CDH12: variants seen among roughly 807,000 people sequenced by gnomAD.
The protein encoded by CDH12 is cadherin-12.
In CDH12, 41 loss-of-function variants were observed where a neutral mutation model predicts 74.1. That is an observed-to-expected ratio of 0.55 (90% CI 0.43 to 0.72). The LOEUF (loss-of-function observed/expected upper bound fraction) is 0.72. Among genes scored for constraint, CDH12 ranks in the 30% least tolerant of loss-of-function variants. CDH12 has a pLI of 0.00. For synonymous variants in CDH12, 399 were observed against 355.0 expected (o/e 1.12, Z -1.39); for missense variants, 945 against 977.2 (o/e 0.97, Z 0.44).
intron 6 of CDH12, among the ~76,000 whole-genome samples, chr5:21,862,763 T>C (rs977032298): frequency 3.3e-5 from 5 of 152,186 alleles, no homozygotes; most frequent in Non-Finnish European, 7.4e-5. Flanking sequence ...AAGCAGATTA[T>C]ATTGAATATA....
At chr5:22,080,279 T>C (rs1561089499) in intron 4 of CDH12, among the ~76,000 whole-genome samples, 1 of 152,198 alleles carries the variant, frequency 6.6e-6, no homozygotes, top group African/African-American at 2.4e-5. Context: ...TAAAAACATT[T>C]AATGAGTTCT....
intron 3 of CDH12, among the ~76,000 whole-genome samples, chr5:22,375,693 G>C (rs956277357): frequency 2.0e-5 from 3 of 151,944 alleles, no homozygotes; most frequent in Admixed American, 6.6e-5. Context: ...TTTGAAAAAT[G>C]GTTCGACATC....
intron 7 of CDH12, among the ~76,000 whole-genome samples, chr5:21,852,003 A>G (rs1173334817): frequency 6.6e-6 from 1 of 151,332 alleles, no homozygotes; most frequent in Non-Finnish European, 1.5e-5. Flanking sequence ...TTAGTTTTTC[A>G]TGCGTTTTAT....
chr5:22,031,855 C>T (rs768914939), intron 5 of CDH12, among the ~76,000 whole-genome samples: 12 of 152,112 alleles, frequency 7.9e-5, no homozygotes, highest in Non-Finnish European at 1.2e-4. Context: ...TCACCAATCA[C>T]AGATGACCAT....
chr5:22,535,143 CTT>C (rs767048116), intron 1 of CDH12, among the ~76,000 whole-genome samples: 1,508 of 69,144 alleles, frequency 0.022, 46 homozygotes, highest in African/African-American at 0.067. Context: ...GGCTAATTTT[CTT>C]TTTTTTTTTT....
chr5:22,536,857 CA>C (rs1434869970), intron 1 of CDH12, among the ~76,000 whole-genome samples: 4 of 152,188 alleles, frequency 2.6e-5, no homozygotes, highest in Admixed American at 2.6e-4. Flanking sequence ...CTTGACTGCA[CA>C]AAAACTTCTC....
At chr5:22,693,349 G>A (rs1742183698) in intron 1 of CDH12, among the ~76,000 whole-genome samples, 2 of 152,194 alleles carry the variant, frequency 1.3e-5, no homozygotes, top group South Asian at 4.1e-4. Context: ...CACTGCCTTG[G>A]CAGCTTGTGA....
intron 5 of CDH12, among the ~76,000 whole-genome samples, chr5:21,981,479 A>G (rs1225569275): frequency 1.3e-5 from 2 of 152,032 alleles, no homozygotes; most frequent in East Asian, 1.9e-4. Flanking sequence ...ACAAATAACC[A>G]TCACCCTAAC....
At chr5:22,719,697 G>A (rs1022959145) in intron 1 of CDH12, among the ~76,000 whole-genome samples, 2 of 152,130 alleles carry the variant, frequency 1.3e-5, no homozygotes, top group African/African-American at 4.8e-5. Context: ...GGTAGAGGAG[G>A]CTACAGGGCA....
chr5:22,106,972 A>C (rs533809188), intron 4 of CDH12, among the ~76,000 whole-genome samples: 1 of 152,266 alleles, frequency 6.6e-6, no homozygotes, highest in Admixed American at 6.5e-5. Flanking sequence ...GGAACAACAA[A>C]GGAAGGTGTT....
At chr5:22,020,492 T>G (rs1737902191) in intron 5 of CDH12, among the ~76,000 whole-genome samples, 1 of 150,934 alleles carries the variant, frequency 6.6e-6, no homozygotes, top group Admixed American at 6.6e-5. Context: ...AGGCGGGGGT[T>G]GCAGTGAGCT....
At chr5:21,790,890 C>G (rs753283357) in intron 10 of CDH12, among the ~76,000 whole-genome samples, 2 of 152,004 alleles carry the variant, frequency 1.3e-5, no homozygotes, top group Non-Finnish European at 2.9e-5. Flanking sequence ...CAAACTCGTA[C>G]AGTACAAACC....
intron 1 of CDH12, among the ~76,000 whole-genome samples, chr5:22,773,201 T>C (rs1746904818): frequency 6.6e-6 from 1 of 151,966 alleles, no homozygotes; most frequent in Non-Finnish European, 1.5e-5. Flanking sequence ...ACCAAGGCAA[T>C]CCTAAGCAAA....
intron 3 of CDH12, among the ~76,000 whole-genome samples, chr5:22,273,270 A>G (rs552800157): frequency 6.6e-6 from 1 of 152,322 alleles, no homozygotes; most frequent in Admixed American, 6.5e-5. Context: ...CATTAAAAGT[A>G]ATTTTTGAAT....
chr5:21,827,873 T>G (rs766784531), intron 8 of CDH12, among the ~76,000 whole-genome samples: 1 of 152,158 alleles, frequency 6.6e-6, no homozygotes, highest in African/African-American at 2.4e-5. Flanking sequence ...GCATCAATAA[T>G]TTTTCATTGT....
At chr5:22,656,983 C>T (rs922018517) in intron 1 of CDH12, among the ~76,000 whole-genome samples, 10 of 151,970 alleles carry the variant, frequency 6.6e-5, no homozygotes, top group African/African-American at 1.7e-4. Flanking sequence ...ATCATAGGCA[C>T]GAGATTCTTC....
chr5:22,728,023 C>G (rs1237924168), intron 1 of CDH12, among the ~76,000 whole-genome samples: 1 of 151,696 alleles, frequency 6.6e-6, no homozygotes, highest in Non-Finnish European at 1.5e-5. Flanking sequence ...AATTTAACTA[C>G]TTCACCATTT....
intron 6 of CDH12, among the ~76,000 whole-genome samples, chr5:21,918,996 T>C (rs796880166): frequency 6.6e-6 from 1 of 152,320 alleles, no homozygotes; most frequent in East Asian, 1.9e-4. Context: ...AATTTTCAAC[T>C]TGTTGCCTAC....
intron 2 of CDH12, among the ~76,000 whole-genome samples, chr5:22,465,485 A>C (rs1745690621): frequency 4.6e-5 from 7 of 152,152 alleles, no homozygotes. Context: ...ATCTCCACAA[A>C]AAATTTAAAA....
Sources: allele counts gnomAD v4.1 joint callset (sites outside exome capture counted in the v4.1 genomes callset), GRCh38; gene constraint gnomAD v4.1.1; transcripts MANE v1.5; gene names NCBI Gene and HGNC (gene_info 2026-07-23, HGNC 2026-07-21).